The following PHF21A variants were observed in gnomAD, a reference collection of about 807,000 sequenced individuals.
PHF21A encodes the protein PHD finger protein 21A.
PHF21A carries 11 observed loss-of-function variants against 82.5 expected under a neutral mutation model. The ratio of observed to expected loss-of-function variants is 0.13; its 90% CI spans 0.08 to 0.22. The LOEUF is 0.22. PHF21A is among the 10% of genes least tolerant of loss of function. The probability of loss-of-function intolerance (pLI) is 1.00; values close to 1 mark genes in which losing one functional copy is unlikely to be tolerated. For missense variants in PHF21A, 579 were observed against 837.8 expected (o/e 0.69, Z 3.81); for synonymous variants, 297 against 302.8 (o/e 0.98, Z 0.20).
chr11:45,970,053 G>C (rs190772260), intron 8 of PHF21A, 149 bp from the exon 9 acceptor site: 372 of 667,432 alleles, frequency 5.6e-4, no homozygotes, highest in Middle Eastern at 2.4e-3. Flanking sequence ...CACTGCATTA[G>C]GAAACTTTTT....
intron 6 of PHF21A, among the ~76,000 whole-genome samples, chr11:46,029,911 T>C (rs903780256): frequency 1.1e-4 from 17 of 152,220 alleles, no homozygotes; most frequent in African/African-American, 3.6e-4. Context: ...GTAGGTAAAA[T>C]ACTTTAATAC....
intron 1 of PHF21A, among the ~76,000 whole-genome samples, chr11:46,112,973 AAC>A (rs2097237156): frequency 6.6e-6 from 1 of 152,242 alleles, no homozygotes; most frequent in Admixed American, 6.5e-5. Context: ...GGTAAACTAA[AAC>A]ACTAGGTTGT....
chr11:46,053,946 G>T (rs910814534), intron 6 of PHF21A, among the ~76,000 whole-genome samples: 1 of 152,092 alleles, frequency 6.6e-6, no homozygotes, highest in East Asian at 1.9e-4. Flanking sequence ...TTCTCTTGGA[G>T]AACCTGCTAA....
At chr11:46,096,751 G>A (rs2097002468) in intron 1 of PHF21A, among the ~76,000 whole-genome samples, 2 of 122,744 alleles carry the variant, frequency 1.6e-5, no homozygotes. Context: ...GGCTATAGAA[G>A]GATCTACACA....
At chr11:46,063,174 G>A (rs995580205) in intron 6 of PHF21A, among the ~76,000 whole-genome samples, 2 of 152,176 alleles carry the variant, frequency 1.3e-5, no homozygotes, top group African/African-American at 4.8e-5. Flanking sequence ...AAAATGAATT[G>A]AATTCGCCGG....
chr11:46,120,208 T>A (rs1593527641), intron 1 of PHF21A, among the ~76,000 whole-genome samples: 1 of 145,510 alleles, frequency 6.9e-6, no homozygotes, highest in Non-Finnish European at 1.5e-5. Flanking sequence ...TTAAACCAGA[T>A]CCCTCAGTCA....
At chr11:46,063,668 C>T (rs978537967) in intron 6 of PHF21A, among the ~76,000 whole-genome samples, 18 of 151,932 alleles carry the variant, frequency 1.2e-4, no homozygotes, top group African/African-American at 4.4e-4. Flanking sequence ...AACCACTTTA[C>T]CCATAAAGTA....
At chr11:46,097,150 G>A (rs1437495051) in intron 1 of PHF21A, among the ~76,000 whole-genome samples, 1 of 151,870 alleles carries the variant, frequency 6.6e-6, no homozygotes, top group East Asian at 1.9e-4. Context: ...CTCCTAACTG[G>A]CCTCCCCAAT....
chr11:45,998,815 C>T (rs558632749), intron 6 of PHF21A, among the ~76,000 whole-genome samples: 6 of 132,536 alleles, frequency 4.5e-5, no homozygotes, highest in Non-Finnish European at 7.8e-5. Context: ...CCACCACACC[C>T]GGCCTTTTTT....
intron 1 of PHF21A, among the ~76,000 whole-genome samples, chr11:46,111,514 A>G (rs2097213950): frequency 6.6e-6 from 1 of 152,176 alleles, no homozygotes; most frequent in African/African-American, 2.4e-5. Context: ...CTAAAGGCAG[A>G]GTTTTCTTAA....
intron 1 of PHF21A, among the ~76,000 whole-genome samples, chr11:46,104,671 C>T (rs1234802737): frequency 1.3e-5 from 2 of 152,076 alleles, no homozygotes; most frequent in Non-Finnish European, 1.5e-5. Flanking sequence ...GTAATAATAA[C>T]AATAATAATG....
At chr11:46,103,179 A>T (rs2097116628) in intron 1 of PHF21A, among the ~76,000 whole-genome samples, 1 of 152,224 alleles carries the variant, frequency 6.6e-6, no homozygotes, top group South Asian at 2.1e-4. Context: ...TCTTTAACTC[A>T]ACCCCCAAAC....
At chr11:45,983,996 T>C (rs1380371917) in intron 6 of PHF21A, among the ~76,000 whole-genome samples, 1 of 152,182 alleles carries the variant, frequency 6.6e-6, no homozygotes, top group Non-Finnish European at 1.5e-5. Context: ...TATACTGGCA[T>C]ACATGATTTG....
intron 9 of PHF21A, 54 bp from the exon 10 acceptor site, chr11:45,965,662 T>C: frequency 2.2e-6 from 3 of 1,344,034 alleles, no homozygotes. Context: ...TCAAGTCCTA[T>C]AAAAGCAAAT....
chr11:45,935,096 A>G, intron 18 of PHF21A: 1 of 1,288,118 alleles, frequency 7.8e-7, no homozygotes, highest in South Asian at 1.2e-5. Context: ...TCCCACTTGG[A>G]CAGGCCGGGC....
intron 4 of PHF21A, among the ~76,000 whole-genome samples, chr11:46,079,671 G>A (rs1565887002): frequency 6.6e-6 from 1 of 152,162 alleles, no homozygotes; most frequent in South Asian, 2.1e-4. Flanking sequence ...TTCGGTGCAG[G>A]GGAGGATAAG....
chr11:46,109,671 G>A (rs912214527), intron 1 of PHF21A, among the ~76,000 whole-genome samples: 4 of 151,962 alleles, frequency 2.6e-5, no homozygotes, highest in East Asian at 1.9e-4. Flanking sequence ...AAACACACAC[G>A]TAAACACATG....
Position 45,961,071 on chromosome 11 carries a change from C to T in PHF21A, c.996+4244G>A, listed in dbSNP as rs57431270. ...TTTAAAGGGGAATTAAGAATAAAAG[C>T]GGGATATCTGTTATACTCATGTTCC... On this transcript the variant is annotated intron_variant, in intron 10 of 18. Coordinates refer to ENST00000676320, the MANE Select transcript of PHF21A (RefSeq NM_001352027.3). 7.4e-3 allele frequency among the ~76,000 whole-genome samples: 1,120 copies of T among 152,210 alleles called. 13 individuals are homozygous for T. The highest frequency in any genetic ancestry group is 0.026 in the African/African-American group (1,066 of 41,530).
At chr11:46,114,684 C>A (rs528208590) in intron 1 of PHF21A, among the ~76,000 whole-genome samples, 60 of 152,150 alleles carry the variant, frequency 3.9e-4, no homozygotes, top group South Asian at 1.7e-3. Context: ...TTAAAAAAAA[C>A]ACACACAATT....
Sources: allele counts gnomAD v4.1 joint callset (sites outside exome capture counted in the v4.1 genomes callset), GRCh38; gene constraint gnomAD v4.1.1; transcripts MANE v1.5; gene names NCBI Gene and HGNC (gene_info 2026-07-23, HGNC 2026-07-21).